The following FAM170B variants were observed in gnomAD, a reference collection of about 807,000 sequenced individuals.
FAM170B encodes the protein protein FAM170B.
Under a neutral mutation model 3.9 loss-of-function variants are expected in FAM170B, and 4 were observed. The ratio of observed to expected loss-of-function variants is 1.01; its 90% CI spans 0.50 to 2.32. The LOEUF is 2.32. FAM170B is among the 30% of genes most tolerant of loss of function. FAM170B has a pLI of 0.02. For synonymous variants in FAM170B, 163 were observed against 149.8 expected (o/e 1.09, Z -0.64); for missense variants, 417 against 368.6 (o/e 1.13, Z -1.07).
rs1845179724 is a variant in FAM170B, at chr10:49,131,438, G to T, written c.*175C>A. On this transcript the variant is annotated 3_prime_UTR_variant, in exon 2 of 2. Coordinates refer to ENST00000311787, the MANE Select transcript of FAM170B (RefSeq NM_001164484.2). Reference sequence around the variant, plus strand: ...CTCTGGTGGAGATGCTGTGCCTAGGGCAGGAAGGGGGTTCCTTCCAGTCTC... The same window carrying T: ...CTCTGGTGGAGATGCTGTGCCTAGGTCAGGAAGGGGGTTCCTTCCAGTCTC... The T allele has an allele frequency of 4.6e-6, 4 of 873,786 alleles. No individual in the cohort carries two copies. In the South Asian group the frequency reaches 6.5e-5, roughly 14 times the overall value. 54.1% of individuals were successfully genotyped at this position (873,786 alleles called of 1,614,324 possible). A position where few individuals can be genotyped will look rare whatever the true frequency, so the allele number is the denominator to read the frequency against.
rs1845216474 is a variant in FAM170B, at chr10:49,133,818, A to T, written c.101T>A (p.Val34Glu). 6.4e-7 allele frequency: 1 copy of T among 1,551,528 alleles called. No homozygotes were observed. Among genetic ancestry groups the T allele is most frequent in the Non-Finnish European group, 8.7e-7 (1 of 1,146,950 alleles). ...SPESTEESVE[V>E]FWPGTIQREG... ...TTCTTTTCACCTACCTGGCCAGAAC[A>T]CTTCCACACTCTCCTCAGTGGACTC... The change falls in exon 1 of 2, where the codon GTG becomes GAG. Residue 34 changes from valine to glutamate, a missense_variant. Coordinates refer to ENST00000311787, the MANE Select transcript of FAM170B (RefSeq NM_001164484.2).
Position 49,133,902 on chromosome 10 carries a change from G to A in FAM170B, c.17C>T (p.Thr6Ile). Residue 6 changes from threonine to isoleucine, a missense_variant, in exon 1 of 2, where the codon ACA becomes ATA. By Grantham distance (89) the Thr-to-Ile change is moderately conservative. Transcript: ENST00000311787. ...GGGTGACTGTTCTCCCCTGTGATCT[G>A]TGAAGTAGCATTTCATGATTTGAAA... MKCYFTDHRGEQSPTD... is the reference protein window; with the variant it reads MKCYFIDHRGEQSPTD... The A allele has an allele frequency of 6.4e-7, 1 of 1,551,608 alleles. No individual in the cohort carries two copies. Among genetic ancestry groups the A allele is most frequent in the Non-Finnish European group, 8.7e-7 (1 of 1,146,918 alleles).
chr10:49,133,977 G>C lies in FAM170B; in HGVS notation c.-59C>G. On this transcript the variant is annotated 5_prime_UTR_variant, in exon 1 of 2. Transcript: ENST00000311787. ...CAGCTGTTCAGTGAGAGTTGGCTGG[G>C]GCTGTACTGAAGGCCTCCAGCTGGC... is the stretch of plus-strand genomic sequence containing the variant. 1 of 1,409,194 alleles carries C rather than the reference G, an allele frequency of 7.1e-7. No individual in the cohort carries two copies. The highest frequency in any genetic ancestry group is 9.8e-7 in the Non-Finnish European group (1 of 1,017,382). The allele number at this position is 1,409,194 out of a possible 1,614,324, so 87.3% of individuals were successfully genotyped here. A position where few individuals can be genotyped will look rare whatever the true frequency, so the allele number is the denominator to read the frequency against.
intron 1 of FAM170B, among the ~76,000 whole-genome samples, chr10:49,132,728 C>T (rs1007008546): frequency 6.6e-6 from 1 of 151,776 alleles, no homozygotes. Context: ...CCATATGATG[C>T]AACCTGTTAA....
In FAM170B at chr10:49,132,331, G is replaced by T; in HGVS notation, c.134C>A (p.Ser45Ter). The change falls in exon 2 of 2, where the codon TCG (serine) becomes TAG (stop). Residue 45 changes from serine to a stop codon, truncating the protein, a stop_gained. Transcript: ENST00000311787. LOFTEE classifies it low-confidence loss of function (END_TRUNC). ...AATGGCAGGCCCCGGCCGTGGGGAC[G>T]ACCCTTCTCTCTGTATAGTCCCTGA... ...FWPGTIQREGSSPRPGPAIPR... is the reference protein window; with the variant it reads ...FWPGTIQREG 6.5e-7 allele frequency: 1 copy of T among 1,547,752 alleles called. No homozygotes were observed. Among genetic ancestry groups the T allele is most frequent in the Non-Finnish European group, 8.7e-7 (1 of 1,145,964 alleles).
Position 49,131,917 on chromosome 10 carries a change from A to T in FAM170B, c.548T>A (p.Leu183Gln), listed in dbSNP as rs75297145. ...CCGCAGCTCCTGCAGGCAGCACTCCAGCAGGTCTATGTCCTCGGGCTCGGG... is the reference window on the plus strand; with the variant it reads ...CCGCAGCTCCTGCAGGCAGCACTCCTGCAGGTCTATGTCCTCGGGCTCGGG... ...CSPEPEDIDL[L>Q]ECCLQELREP... The change falls in exon 2 of 2, where the codon CTG becomes CAG. Residue 183 changes from leucine (L) to glutamine (Q), a missense_variant. Coordinates refer to ENST00000311787, the MANE Select transcript of FAM170B (RefSeq NM_001164484.2). 295,291 of 1,548,664 alleles carry T rather than the reference A, an allele frequency of 0.19. 30,422 individuals carry two copies. Among genetic ancestry groups the T allele is most frequent in the Middle Eastern group, 0.22 (1,298 of 5,990 alleles).
chr10:49,133,713 T>A, intron 1 of FAM170B, 94 bp downstream of exon 1: 1 of 967,630 alleles, frequency 1.0e-6, no homozygotes, highest in South Asian at 1.5e-5. Context: ...TTGGTAACAG[T>A]ATCAGGAGGC....
intron 1 of FAM170B, among the ~76,000 whole-genome samples, chr10:49,132,712 G>A (rs541118220): frequency 2.7e-4 from 41 of 152,142 alleles, no homozygotes; most frequent in African/African-American, 8.2e-4. Context: ...GCTGACTGAG[G>A]TGTATCCATA....
chr10:49,133,940 G>C lies in FAM170B; in HGVS notation c.-22C>G. On this transcript the variant is annotated 5_prime_UTR_variant, in exon 1 of 2. Transcript: ENST00000311787. ...TCATGATTTGAAATGAGTGCCCAGG[G>C]TGTCGGTGCTCCAGCTGTTCAGTGA... The C allele has an allele frequency of 6.5e-7, 1 of 1,535,616 alleles. No individual in the cohort carries two copies. The highest frequency in any genetic ancestry group is 1.4e-5 in the African/African-American group (1 of 72,882).
chr10:49,132,024 C>T lies in FAM170B; in HGVS notation c.441G>A (p.Gln147=). The stretch of plus-strand genomic sequence containing the variant: ...TTTCGAAGGAGGAGCCGTTCCACCT[C>T]TGCCTCTTGATGAACTGGGCTTCAT... ...RIHEAQFIKR[Q]RWNGSSFEMA... Residue 147 remains glutamine, a synonymous_variant, in exon 2 of 2, where the codon CAG becomes CAA. Transcript: ENST00000311787. 9 of 1,551,810 alleles carry T rather than the reference C, an allele frequency of 5.8e-6. No homozygotes were observed. Among genetic ancestry groups the T allele is most frequent in the South Asian group, 2.4e-5 (2 of 84,066 alleles).
chr10:49,131,620 T>C lies in FAM170B; in HGVS notation c.845A>G (p.Lys282Arg), dbSNP rs1845182172. 1 of 1,550,472 alleles carries C rather than the reference T, an allele frequency of 6.4e-7. No homozygotes were observed. The highest frequency in any genetic ancestry group is 1.4e-5 in the African/African-American group (1 of 73,050). Reference protein sequence around the residue: ...GEVLSAQQQEKQ With the variant: ...GEVLSAQQQERQ ...GGGTATCTCCCCTCTGGCTCACTGC[T>C]TCTCCTGCTGCTGTGCTGAGAGCAC... is the stretch of plus-strand genomic sequence containing the variant. Residue 282 changes from lysine to arginine, a missense_variant, in exon 2 of 2, where the codon AAG becomes AGG. Coordinates refer to ENST00000311787, the MANE Select transcript of FAM170B (RefSeq NM_001164484.2).
At position 49,131,493 on chromosome 10, in the gene FAM170B, T is replaced by C; in HGVS notation, c.*120A>G. The C allele has an allele frequency of 7.2e-7, 1 of 1,392,418 alleles. No individual in the cohort carries two copies. Among genetic ancestry groups the C allele is most frequent in the Non-Finnish European group, 9.5e-7 (1 of 1,056,632 alleles). 86.3% of individuals were successfully genotyped at this position (1,392,418 alleles called of 1,614,324 possible). ...CCCTCCTTGCTCTACACTCCATGCC[T>C]TTCCTTCCCCCTGACCCTGGTCCTC... On this transcript the variant is annotated 3_prime_UTR_variant, in exon 2 of 2. Transcript: ENST00000311787.
At position 49,132,278 on chromosome 10, in the gene FAM170B, C is replaced by T. The variant is rs1237751756; in HGVS notation, c.187G>A (p.Ala63Thr). ...IPREEGLYFA[A>T]RDRGMRDWSS... ...CAGTCCCGCATCCCCCGGTCCCTGG[C>T]AGCGAAGTAGAGGCCCTCCTCCCGG... is the stretch of plus-strand genomic sequence containing the variant. Residue 63 changes from alanine to threonine, a missense_variant, in exon 2 of 2, where the codon GCC becomes ACC. Physicochemically the swap from Ala to Thr is moderately conservative, Grantham distance 58. Coordinates refer to ENST00000311787, the MANE Select transcript of FAM170B (RefSeq NM_001164484.2). The T allele has an allele frequency of 6.4e-7, 1 of 1,551,400 alleles. No individual in the cohort carries two copies. The highest frequency in any genetic ancestry group is 8.7e-7 in the Non-Finnish European group (1 of 1,146,988).
At chr10:49,132,428 T>G in intron 1 of FAM170B, 76 bp from the exon 2 acceptor site, 2 of 1,425,406 alleles carry the variant, frequency 1.4e-6, no homozygotes, top group Non-Finnish European at 1.8e-6. Flanking sequence ...AGCCGCAGAC[T>G]CTGAAAGGGT....
chr10:49,131,439 C>T lies in FAM170B; in HGVS notation c.*174G>A, dbSNP rs914077491. Reference sequence around the variant, plus strand: ...TCTGGTGGAGATGCTGTGCCTAGGGCAGGAAGGGGGTTCCTTCCAGTCTCC... The same window carrying T: ...TCTGGTGGAGATGCTGTGCCTAGGGTAGGAAGGGGGTTCCTTCCAGTCTCC... On this transcript the variant is annotated 3_prime_UTR_variant, in exon 2 of 2. Coordinates refer to ENST00000311787, the MANE Select transcript of FAM170B (RefSeq NM_001164484.2). The T allele has an allele frequency of 1.0e-5, 9 of 888,252 alleles. No individual in the cohort carries two copies. The highest frequency in any genetic ancestry group is 1.5e-5 in the Non-Finnish European group (9 of 614,084). The allele number at this position is 888,252 out of a possible 1,614,324, so 55.0% of individuals were successfully genotyped here. A position where few individuals can be genotyped will look rare whatever the true frequency, so the allele number is the denominator to read the frequency against.
At position 49,132,131 on chromosome 10, in the gene FAM170B, G is replaced by T. The variant is rs1845194596; in HGVS notation, c.334C>A (p.His112Asn). 1 of 1,551,650 alleles carries T rather than the reference G, an allele frequency of 6.4e-7. No homozygotes were observed. Among genetic ancestry groups the T allele is most frequent in the African/African-American group, 1.4e-5 (1 of 73,076 alleles). ...APQSVCAFYT[H>N]VQTVRGVAVA... ...GCCACACCCCGCACAGTCTGCACGT[G>T]CGTGTAGAAGGCACACACACTCTGC... Residue 112 changes from histidine (H) to asparagine (N), a missense_variant, in exon 2 of 2, where the codon CAC becomes AAC. By Grantham distance (68) the His-to-Asn change is moderately conservative (BLOSUM62 1). Coordinates refer to ENST00000311787, the MANE Select transcript of FAM170B (RefSeq NM_001164484.2).
rs770089686 is a variant in FAM170B, at chr10:49,132,301, C to G, written c.164G>C (p.Arg55Pro). The G allele has an allele frequency of 1.3e-6, 2 of 1,550,888 alleles. No homozygotes were observed. Among genetic ancestry groups the G allele is most frequent in the South Asian group, 1.2e-5 (1 of 84,040 alleles). ...GGCAGCGAAGTAGAGGCCCTCCTCC[C>G]GGGGAATGGCAGGCCCCGGCCGTGG... Reference protein sequence around the residue: ...SSPRPGPAIPREEGLYFAARD... With the variant: ...SSPRPGPAIPPEEGLYFAARD... The change falls in exon 2 of 2, where the codon CGG becomes CCG. Residue 55 changes from arginine to proline, a missense_variant. Coordinates refer to ENST00000311787, the MANE Select transcript of FAM170B (RefSeq NM_001164484.2).
At chr10:49,132,713 T>G (rs897296855) in intron 1 of FAM170B, among the ~76,000 whole-genome samples, 21 of 151,746 alleles carry the variant, frequency 1.4e-4, no homozygotes, top group Admixed American at 6.6e-4. Context: ...CTGACTGAGG[T>G]GTATCCATAT....
At chr10:49,133,688 G>T in intron 1 of FAM170B, 119 bp downstream of exon 1, 1 of 738,304 alleles carries the variant, frequency 1.4e-6, no homozygotes, top group Non-Finnish European at 2.3e-6. Context: ...CTATGTTTAT[G>T]GTCAACACAA....
Sources: allele counts gnomAD v4.1 joint callset (sites outside exome capture counted in the v4.1 genomes callset), GRCh38; gene constraint gnomAD v4.1.1; transcripts MANE v1.5; gene names NCBI Gene and HGNC (gene_info 2026-07-23, HGNC 2026-07-21).